Variants in ANKS1B observed in about 807,000 individuals in gnomAD.
The protein encoded by ANKS1B is ankyrin repeat and sterile alpha motif domain containing 1B.
A neutral mutation model predicts 148.3 loss-of-function variants in ANKS1B; 36 were observed. The ratio of observed to expected loss-of-function variants is 0.24; its 90% CI spans 0.19 to 0.32. The LOEUF (loss-of-function observed/expected upper bound fraction) is 0.32. Among genes scored for constraint, ANKS1B ranks in the 10% least tolerant of loss-of-function variants. ANKS1B has a pLI of 1.00. For missense variants in ANKS1B, 1,157 were observed against 1,542.6 expected, an observed-to-expected ratio of 0.75 and a Z score of 4.19; for synonymous variants, 542 against 560.8, an observed-to-expected ratio of 0.97 and a Z score of 0.47.
At chr12:98,774,083 G>A (rs1371965759) in intron 24 of ANKS1B, among the ~76,000 whole-genome samples, 1 of 152,180 alleles carries the variant, frequency 6.6e-6, no homozygotes, top group Non-Finnish European at 1.5e-5. Context: ...CAAGATTCAG[G>A]CCTTGGATGC....
intron 1 of ANKS1B, among the ~76,000 whole-genome samples, chr12:99,850,282 T>TCTCTCC (rs761522458): frequency 0.032 from 1,252 of 38,984 alleles, 58 homozygotes; most frequent in East Asian, 0.12. Context: ...AGCAAGAAAG[T>TCTCTCC]CTCTCTCTCT....
intron 12 of ANKS1B, among the ~76,000 whole-genome samples, chr12:99,359,207 A>G (rs1181806943): frequency 1.3e-5 from 2 of 152,134 alleles, no homozygotes; most frequent in Non-Finnish European, 2.9e-5. Context: ...ATCCAACTTT[A>G]TGCATTTCCT....
At chr12:99,560,800 G>A (rs1255102933) in intron 9 of ANKS1B, among the ~76,000 whole-genome samples, 1 of 148,598 alleles carries the variant, frequency 6.7e-6, no homozygotes, top group Non-Finnish European at 1.5e-5. Flanking sequence ...GGTGGTGGTT[G>A]CTGAAGATTG....
rs145550532 is a variant in ANKS1B at position 99,602,755 on chromosome 12, G to A, written c.1272+52312C>T. Among the ~76,000 whole-genome samples the A allele has an allele frequency of 8.3e-3, 1,259 of 152,108 alleles. 24 individuals are homozygous for A. The highest frequency in any genetic ancestry group is 0.029 in the African/African-American group (1,200 of 41,504). ...AATTTCAATGATATCAAGCCAGAAG[G>A]GTGGGAGAAAAATTAAAAATATTAT... On this transcript the variant is annotated intron_variant, in intron 9 of 26. Transcript: ENST00000683438.
chr12:99,009,101 T>C (rs887132260), intron 17 of ANKS1B, among the ~76,000 whole-genome samples: 1 of 152,192 alleles, frequency 6.6e-6, no homozygotes, highest in Non-Finnish European at 1.5e-5. Flanking sequence ...CTAACTGTCA[T>C]TCCTTATGGA....
intron 4 of ANKS1B, among the ~76,000 whole-genome samples, chr12:99,792,997 G>A (rs903605954): frequency 9.9e-5 from 15 of 152,094 alleles, no homozygotes; most frequent in African/African-American, 2.2e-4. Context: ...ATGTAGCAAC[G>A]TTGCAGGATA....
chr12:99,296,941 T>C (rs2154015620), intron 12 of ANKS1B, among the ~76,000 whole-genome samples: 1 of 152,304 alleles, frequency 6.6e-6, no homozygotes, highest in Middle Eastern at 3.4e-3. Flanking sequence ...TGTAGTTCTC[T>C]TGAAGATTAT....
chr12:98,916,436 A>G (rs1291839812), intron 17 of ANKS1B, among the ~76,000 whole-genome samples: 2 of 152,358 alleles, frequency 1.3e-5, no homozygotes, highest in East Asian at 1.9e-4. Flanking sequence ...CCCTCCACAC[A>G]GGAAGAAAGG....
chr12:99,628,526 C>T lies in ANKS1B; in HGVS notation c.1272+26541G>A, dbSNP rs945771191. Among the ~76,000 whole-genome samples, 10 of 152,250 alleles carry T rather than the reference C, an allele frequency of 6.6e-5. 1 individual carries two copies. The highest frequency in any genetic ancestry group is 1.9e-4 in the East Asian group (1 of 5,186). On this transcript the variant is annotated intron_variant, in intron 9 of 26. Transcript: ENST00000683438. The stretch of plus-strand genomic sequence containing the variant: ...CATTGTTGCCTTTTTTCTAAGCTTT[C>T]GTTTTTCTGTACAGGATAAAACATT...
intron 19 of ANKS1B, among the ~76,000 whole-genome samples, chr12:98,814,841 T>C (rs1377267050): frequency 1.3e-5 from 2 of 152,238 alleles, no homozygotes; most frequent in Non-Finnish European, 2.9e-5. Context: ...ACTTCTTTGA[T>C]GGTGAAGTCA....
chr12:98,746,019 C>T (rs1173871799), intron 26 of ANKS1B, among the ~76,000 whole-genome samples, 170 bp from the exon 27 acceptor site: 1 of 152,164 alleles, frequency 6.6e-6, no homozygotes, highest in South Asian at 2.1e-4. Flanking sequence ...TACCGCATAC[C>T]GACTCTCTGC....
chr12:99,539,887 C>CA (rs1186195284), intron 9 of ANKS1B, among the ~76,000 whole-genome samples: 1 of 151,578 alleles, frequency 6.6e-6, no homozygotes, highest in Non-Finnish European at 1.5e-5. Flanking sequence ...AAATTTTGTT[C>CA]AAAAAATGAT....
At chr12:99,435,255 C>G (rs2095440360) in intron 11 of ANKS1B, among the ~76,000 whole-genome samples, 1 of 152,174 alleles carries the variant, frequency 6.6e-6, no homozygotes, top group Middle Eastern at 3.4e-3. Context: ...TCACTGACTC[C>G]TCCCATATCC....
At chr12:99,898,903 C>A (rs1019333461) in intron 1 of ANKS1B, among the ~76,000 whole-genome samples, 8 of 152,124 alleles carry the variant, frequency 5.3e-5, no homozygotes, top group Non-Finnish European at 1.0e-4. Context: ...ACTACATAAT[C>A]GCAAAAACAC....
intron 1 of ANKS1B, among the ~76,000 whole-genome samples, chr12:99,837,502 G>C (rs1428564593): frequency 6.6e-6 from 1 of 152,146 alleles, no homozygotes; most frequent in Non-Finnish European, 1.5e-5. Context: ...ATTGACTGCG[G>C]ACTTGCTACA....
At chr12:99,496,458 C>G (rs2096605572) in intron 10 of ANKS1B, among the ~76,000 whole-genome samples, 1 of 152,138 alleles carries the variant, frequency 6.6e-6, no homozygotes, top group South Asian at 2.1e-4. Context: ...ATAAAGGAAA[C>G]AAACAGGATT....
chr12:98,855,313 T>C (rs2153789387), intron 17 of ANKS1B, among the ~76,000 whole-genome samples: 1 of 152,334 alleles, frequency 6.6e-6, no homozygotes, highest in Non-Finnish European at 1.5e-5. Context: ...TCAAGAGAGT[T>C]GAAGGAGGCA....
chr12:99,982,572 CGTT>C (rs1032426853), intron 1 of ANKS1B, among the ~76,000 whole-genome samples: 2 of 152,094 alleles, frequency 1.3e-5, no homozygotes, highest in Non-Finnish European at 2.9e-5. Flanking sequence ...CCACAGCAAA[CGTT>C]GTTATTTTAC....
At chr12:99,220,928 T>C (rs2085025090) in intron 14 of ANKS1B, among the ~76,000 whole-genome samples, 1 of 152,162 alleles carries the variant, frequency 6.6e-6, no homozygotes, top group Non-Finnish European at 1.5e-5. Context: ...TAGAAGAAAT[T>C]ATAATAAGAT....
Sources: allele counts gnomAD v4.1 joint callset (sites outside exome capture counted in the v4.1 genomes callset), GRCh38; gene constraint gnomAD v4.1.1; transcripts MANE v1.5; gene names NCBI Gene and HGNC (gene_info 2026-07-23, HGNC 2026-07-21).